Variants in TCF12 observed in about 807,000 individuals in gnomAD.
The protein encoded by TCF12 is transcription factor 12, also known as DNA-binding protein HTF4.
Under a neutral mutation model 86.0 loss-of-function variants are expected in TCF12, and 45 were observed. The observed-to-expected ratio is 0.52, with a 90% CI of 0.41 to 0.67. The LOEUF (loss-of-function observed/expected upper bound fraction) is 0.67. Among genes scored for constraint, TCF12 ranks in the 30% least tolerant of loss-of-function variants. TCF12 has a pLI of 0.00. For missense variants in TCF12, 881 were observed against 859.9 expected (o/e 1.02, Z -0.31); for synonymous variants, 330 against 299.6 (o/e 1.10, Z -1.05).
intron 3 of TCF12, among the ~76,000 whole-genome samples, chr15:57,021,492 C>G (rs1310719747): frequency 2.0e-5 from 3 of 152,188 alleles, no homozygotes; most frequent in Non-Finnish European, 4.4e-5. Context: ...GGTCAGGATT[C>G]TTGCCAATCA....
chr15:57,184,655 T>TAA (rs1173337749), intron 6 of TCF12, among the ~76,000 whole-genome samples: 1 of 152,148 alleles, frequency 6.6e-6, no homozygotes, highest in Non-Finnish European at 1.5e-5. Flanking sequence ...CCCCTGCCCT[T>TAA]AAGCATGTGG....
chr15:56,936,831 G>C (rs2060490247), intron 3 of TCF12, among the ~76,000 whole-genome samples: 1 of 152,054 alleles, frequency 6.6e-6, no homozygotes, highest in Non-Finnish European at 1.5e-5. Context: ...CCATTGGTCT[G>C]TGTGCTTATT....
intron 8 of TCF12, among the ~76,000 whole-genome samples, chr15:57,204,016 T>C (rs2057687981): frequency 6.6e-6 from 1 of 151,696 alleles, no homozygotes; most frequent in Non-Finnish European, 1.5e-5. Flanking sequence ...TTGCTAGCTC[T>C]TCTCCACCAC....
intron 3 of TCF12, among the ~76,000 whole-genome samples, chr15:56,925,965 C>A (rs1464305472): frequency 1.3e-5 from 2 of 152,202 alleles, no homozygotes; most frequent in Non-Finnish European, 2.9e-5. Flanking sequence ...CCTATGCATT[C>A]TTCTAGCAGT....
At chr15:57,204,159 G>T (rs1405284947) in intron 8 of TCF12, among the ~76,000 whole-genome samples, 1 of 152,158 alleles carries the variant, frequency 6.6e-6, no homozygotes, top group Non-Finnish European at 1.5e-5. Context: ...AAGTGATGAG[G>T]CCAGGCATAG....
At chr15:57,168,010 T>C (rs533382202) in intron 6 of TCF12, among the ~76,000 whole-genome samples, 11 of 152,174 alleles carry the variant, frequency 7.2e-5, no homozygotes, top group Non-Finnish European at 1.2e-4. Context: ...CACACTGATA[T>C]CTTAAAATTG....
At chr15:57,027,674 T>C (rs764266221) in intron 3 of TCF12, among the ~76,000 whole-genome samples, 1 of 152,154 alleles carries the variant, frequency 6.6e-6, no homozygotes, top group African/African-American at 2.4e-5. Context: ...CAGTCCCACA[T>C]TGATATGGTT....
chr15:57,146,553 C>T (rs1271112460), intron 5 of TCF12, among the ~76,000 whole-genome samples: 1 of 151,986 alleles, frequency 6.6e-6, no homozygotes, highest in African/African-American at 2.4e-5. Flanking sequence ...GAAATGAATA[C>T]CGGATTTAGT....
At chr15:57,061,940 G>T (rs2068487726) in intron 3 of TCF12, among the ~76,000 whole-genome samples, 1 of 151,952 alleles carries the variant, frequency 6.6e-6, no homozygotes, top group Non-Finnish European at 1.5e-5. Flanking sequence ...AATGATACTG[G>T]AGAGATGGTA....
chr15:57,177,704 T>A (rs891627672), intron 6 of TCF12, among the ~76,000 whole-genome samples: 12 of 151,442 alleles, frequency 7.9e-5, no homozygotes, highest in Admixed American at 2.0e-4. Flanking sequence ...ATTTTTATTT[T>A]ATTTACTTAT....
chr15:56,945,416 A>G (rs2060951001), intron 3 of TCF12, among the ~76,000 whole-genome samples: 1 of 151,952 alleles, frequency 6.6e-6, no homozygotes, highest in South Asian at 2.1e-4. Flanking sequence ...TTTTCTTTAC[A>G]TTTTTTATAG....
intron 3 of TCF12, among the ~76,000 whole-genome samples, chr15:56,988,860 G>A (rs1206933472): frequency 1.3e-5 from 2 of 152,056 alleles, no homozygotes; most frequent in Non-Finnish European, 2.9e-5. Context: ...ACAGTGTGAT[G>A]TATAGGTAAT....
Position 57,286,567 on chromosome 15 carries a change from A to T in TCF12, c.*422A>T. On this transcript the variant is annotated 3_prime_UTR_variant, in exon 21 of 21. Coordinates refer to ENST00000333725, the MANE Select transcript of TCF12 (RefSeq NM_207037.2). ...TATAAAGGGAAAAAGTTAATGTGGA[A>T]AGCTGATCTACACTCAGCTGATGCC... 1 of 444,646 alleles carries T rather than the reference A, an allele frequency of 2.2e-6. No individual in the cohort carries two copies. Among genetic ancestry groups the T allele is most frequent in the Non-Finnish European group, 4.5e-6 (1 of 223,662 alleles). 27.5% of individuals were successfully genotyped at this position (444,646 alleles called of 1,614,324 possible).
At chr15:57,088,886 A>G (rs1426281218) in intron 4 of TCF12, among the ~76,000 whole-genome samples, 6 of 152,094 alleles carry the variant, frequency 3.9e-5, no homozygotes, top group Non-Finnish European at 5.9e-5. Context: ...CATTTCTACA[A>G]CTGATTTTAA....
intron 12 of TCF12, among the ~76,000 whole-genome samples, chr15:57,235,951 A>T (rs1407000990): frequency 6.6e-6 from 1 of 152,158 alleles, no homozygotes; most frequent in African/African-American, 2.4e-5. Flanking sequence ...ATACTAGCCA[A>T]ACCAAAATGG....
chr15:56,941,936 G>A (rs1413736465), intron 3 of TCF12, among the ~76,000 whole-genome samples: 1 of 152,114 alleles, frequency 6.6e-6, no homozygotes, highest in African/African-American at 2.4e-5. Context: ...CCTGATCTGA[G>A]ATTTTGGCTC....
intron 18 of TCF12, among the ~76,000 whole-genome samples, chr15:57,265,993 A>G (rs1360744147): frequency 6.6e-6 from 1 of 152,200 alleles, no homozygotes; most frequent in South Asian, 2.1e-4. Context: ...ATATTAATAT[A>G]AGGGCTAAAT....
intron 7 of TCF12, among the ~76,000 whole-genome samples, chr15:57,193,672 G>T (rs1218547649): frequency 6.6e-6 from 1 of 152,176 alleles, no homozygotes; most frequent in Non-Finnish European, 1.5e-5. Context: ...TATTGCACAG[G>T]CATTTGATGA....
At chr15:56,984,282 G>C (rs1168106929) in intron 3 of TCF12, among the ~76,000 whole-genome samples, 1 of 150,844 alleles carries the variant, frequency 6.6e-6, no homozygotes, top group Non-Finnish European at 1.5e-5. Flanking sequence ...GTGTGTGTGT[G>C]TGTGTGTGTG....
Sources: allele counts gnomAD v4.1 joint callset (sites outside exome capture counted in the v4.1 genomes callset), GRCh38; gene constraint gnomAD v4.1.1; transcripts MANE v1.5; gene names NCBI Gene and HGNC (gene_info 2026-07-23, HGNC 2026-07-21).